FUOM: variants seen among roughly 807,000 people sequenced by gnomAD.
The protein encoded by FUOM is protein fucU homolog.
Under a neutral mutation model 18.3 loss-of-function variants are expected in FUOM, and 19 were observed. The observed-to-expected ratio is 1.04, with a 90% CI of 0.73 to 1.53. The LOEUF (loss-of-function observed/expected upper bound fraction) is 1.53. FUOM is among the 40% of genes most tolerant of loss of function. The pLI, the probability that FUOM is intolerant of heterozygous loss-of-function variation, is 0.00. For synonymous variants in FUOM, 102 were observed against 87.9 expected (o/e 1.16, Z -0.90); for missense variants, 210 against 200.9 (o/e 1.04, Z -0.27).
downstream of FUOM, among the ~76,000 whole-genome samples, chr10:133,353,964 C>CT (rs56893037): frequency 0.019 from 2,568 of 138,676 alleles, 73 homozygotes; most frequent in African/African-American, 0.06. Flanking sequence ...GTGTTTGTGG[C>CT]TTTTTTTTTT....
rs914440588 is a variant in FUOM, at chr10:133,357,569, C to T, written c.86-314G>A. ...GCCTCCCCAGGGGCCAGAGGACGCG[C>T]GGCTGCCCGCGATGCCCGGACCAGG... is the stretch of plus-strand genomic sequence containing the variant. On this transcript the variant is annotated intron_variant, in intron 1 of 5. Transcript: ENST00000278025. 123 of 489,212 alleles carry T rather than the reference C, an allele frequency of 2.5e-4. No homozygotes were observed. The South Asian group carries it at 3.1e-3, about 12-fold the overall frequency. The allele number at this position is 489,212 out of a possible 1,614,324, so 30.3% of individuals were successfully genotyped here. A position where few individuals can be genotyped will look rare whatever the true frequency, so the allele number is the denominator to read the frequency against.
chr10:133,355,173 T>G lies in FUOM; in HGVS notation c.*197A>C. 1 of 621,640 alleles carries G rather than the reference T, an allele frequency of 1.6e-6. No homozygotes were observed. The highest frequency in any genetic ancestry group is 2.8e-6 in the Non-Finnish European group (1 of 357,510). The allele number at this position is 621,640 out of a possible 1,614,324, so 38.5% of individuals were successfully genotyped here. A position where few individuals can be genotyped will look rare whatever the true frequency, so the allele number is the denominator to read the frequency against. ...AGAGCTGGAATTGGACTCTTGAGAC[T>G]GAACGTTTTTCCATCATTTTCACAA... is the stretch of plus-strand genomic sequence containing the variant. On this transcript the variant is annotated 3_prime_UTR_variant, in exon 6 of 6. Transcript: ENST00000278025.
intron 4 of FUOM, 49 bp from the exon 5 acceptor site, chr10:133,355,860 C>T (rs375165005): frequency 1.3e-5 from 19 of 1,500,704 alleles, no homozygotes; most frequent in Non-Finnish European, 1.6e-5. Context: ...AAGAAACCCT[C>T]ATGGGCCAGC....
intron 1 of FUOM, 102 bp from the exon 2 acceptor site, chr10:133,357,357 A>AAGAG (rs1848842493): frequency 2.5e-6 from 3 of 1,208,874 alleles, no homozygotes; most frequent in Admixed American, 4.0e-5. Flanking sequence ...CGTGGGTCAC[A>AAGAG]AGAGGTCTCA....
intron 1 of FUOM, chr10:133,357,704 G>A (rs1006442039): frequency 1.7e-5 from 9 of 525,692 alleles, no homozygotes; most frequent in African/African-American, 1.4e-4. Context: ...TCTGGGGAGG[G>A]ACTCCGGGAG....
At position 133,355,439 on chromosome 10, in the gene FUOM, G is replaced by C; in HGVS notation, c.399-3C>G. On this transcript the variant is annotated splice_polypyrimidine_tract_variant and splice_region_variant and intron_variant, in intron 5 of 5. Coordinates refer to ENST00000278025, the MANE Select transcript of FUOM (RefSeq NM_001098483.3). ...GGTTTCCGTAGAGGGCCGTCTCCCT[G>C]CAGAGGAGCCAAGCCCAGCACTGAG... is the stretch of plus-strand genomic sequence containing the variant. 2 of 1,610,094 alleles carry C rather than the reference G, an allele frequency of 1.2e-6. No homozygotes were observed. The highest frequency in any genetic ancestry group is 1.7e-6 in the Non-Finnish European group (2 of 1,178,992).
At chr10:133,355,988 CA>C (rs1848782616) in intron 4 of FUOM, among the ~76,000 whole-genome samples, 177 bp from the exon 5 acceptor site, 1 of 152,220 alleles carries the variant, frequency 6.6e-6, no homozygotes, top group East Asian at 1.9e-4. Flanking sequence ...AGGCCTAGGA[CA>C]GGGGGTCCCA....
At chr10:133,357,808 C>T (rs1377945249) in intron 1 of FUOM, 115 bp downstream of exon 1, 2 of 760,590 alleles carry the variant, frequency 2.6e-6, no homozygotes, top group Admixed American at 6.7e-5. Flanking sequence ...CAGGGAGGCC[C>T]GAGCAACGCC....
intron 4 of FUOM, 47 bp from the exon 5 acceptor site, chr10:133,355,858 C>T (rs751678046): frequency 6.0e-6 from 9 of 1,512,596 alleles, no homozygotes; most frequent in African/African-American, 2.7e-5. Context: ...CCAAGAAACC[C>T]TCATGGGCCA....
chr10:133,353,639 G>A (rs1848718559), downstream of FUOM, among the ~76,000 whole-genome samples: 1 of 152,200 alleles, frequency 6.6e-6, no homozygotes, highest in Non-Finnish European at 1.5e-5. Flanking sequence ...GACACCAACG[G>A]CTGAGAGTAA....
chr10:133,355,903 C>G lies in FUOM; in HGVS notation c.325-92G>C, dbSNP rs994063463. ...TCCCCAGGGCCCAAAGCAGGGAGGG[C>G]ACCAGGAAGTGGGGTTCCATTTCTT... On this transcript the variant is annotated intron_variant, in intron 4 of 5. Coordinates refer to ENST00000278025, the MANE Select transcript of FUOM (RefSeq NM_001098483.3). The G allele has an allele frequency of 2.2e-5, 23 of 1,054,946 alleles. No homozygotes were observed. In the African/African-American group the frequency reaches 3.5e-4, roughly 16 times the overall value. 65.3% of individuals were successfully genotyped at this position (1,054,946 alleles called of 1,614,324 possible).
At chr10:133,356,193 TC>T (rs1164238606) in intron 4 of FUOM, among the ~76,000 whole-genome samples, 1 of 152,188 alleles carries the variant, frequency 6.6e-6, no homozygotes, top group Non-Finnish European at 1.5e-5. Context: ...AATGGGCCTG[TC>T]CCCTTGCAGG....
At chr10:133,353,069 C>T (rs555164789), downstream of FUOM, among the ~76,000 whole-genome samples, 2 of 152,308 alleles carry the variant, frequency 1.3e-5, no homozygotes, top group African/African-American at 2.4e-5. Flanking sequence ...CCAGTCTCAG[C>T]TGAGAAACAG....
Position 133,357,184 on chromosome 10 carries a change from C to A in FUOM, c.154+3G>T. The A allele has an allele frequency of 6.4e-7, 1 of 1,569,252 alleles. No homozygotes were observed. Among genetic ancestry groups the A allele is most frequent in the Non-Finnish European group, 8.6e-7 (1 of 1,158,376 alleles). On this transcript the variant is annotated splice_donor_region_variant and intron_variant, in intron 2 of 5. Coordinates refer to ENST00000278025, the MANE Select transcript of FUOM (RefSeq NM_001098483.3). ...TGCCCTGGGGGACCTGGGGCTCGCT[C>A]ACCGTCTGCACGGATCTCCATGGGC...
chr10:133,356,504 G>C (rs1033384791), intron 4 of FUOM, 136 bp downstream of exon 4: 3 of 563,680 alleles, frequency 5.3e-6, no homozygotes, highest in Non-Finnish European at 9.0e-6. Context: ...AGTGCCAGTG[G>C]TCCGGGGTTC....
At chr10:133,356,888 A>G in intron 3 of FUOM, 55 bp downstream of exon 3, 2 of 1,528,890 alleles carry the variant, frequency 1.3e-6, no homozygotes, top group South Asian at 1.2e-5. Flanking sequence ...TGAAGCCCGC[A>G]AAAGGGGAAA....
Position 133,355,567 on chromosome 10 carries a change from C to T in FUOM, c.399-131G>A. The T allele has an allele frequency of 3.7e-6, 6 of 1,600,242 alleles. No homozygotes were observed. The Middle Eastern group carries it at 5.0e-4, about 134-fold the overall frequency. Reference sequence around the variant, plus strand: ...CTTGATGCTCAGGCAAATGGGGGCCCTGCCCCCCCGAAATTCCTCCCTGGT... The same window carrying T: ...CTTGATGCTCAGGCAAATGGGGGCCTTGCCCCCCCGAAATTCCTCCCTGGT... On this transcript the variant is annotated intron_variant, in intron 5 of 5. Transcript: ENST00000278025.
downstream of FUOM, among the ~76,000 whole-genome samples, chr10:133,354,286 T>G (rs755742883): frequency 1.8e-4 from 27 of 152,168 alleles, no homozygotes; most frequent in Non-Finnish European, 3.1e-4. Context: ...GGCTACCATC[T>G]GGGAGCAGCA....
At chr10:133,355,924 T>A (rs1254335805) in intron 4 of FUOM, 113 bp from the exon 5 acceptor site, 3 of 895,268 alleles carry the variant, frequency 3.4e-6, no homozygotes, top group African/African-American at 3.3e-5. Context: ...GGGGTTCCAT[T>A]TCTTGGGCTC....
Sources: allele counts gnomAD v4.1 joint callset (sites outside exome capture counted in the v4.1 genomes callset), GRCh38; gene constraint gnomAD v4.1.1; transcripts MANE v1.5; gene names NCBI Gene and HGNC (gene_info 2026-07-23, HGNC 2026-07-21).